USP16: variants seen among roughly 807,000 people sequenced by gnomAD.
USP16 encodes the protein ubiquitin specific peptidase 16, also known as ubiquitin carboxyl-terminal hydrolase 16.
Under a neutral mutation model 95.9 loss-of-function variants are expected in USP16, and 77 were observed. The ratio of observed to expected loss-of-function variants is 0.80; its 90% confidence interval spans 0.67 to 0.97. USP16 has a LOEUF of 0.97. Ranked by LOEUF, USP16 falls within the 50% of genes least tolerant of loss-of-function variation. USP16 has a pLI of 0.00. For synonymous variants in USP16, 303 were observed against 318.2 expected, an observed-to-expected ratio of 0.95 and a Z score of 0.51; for missense variants, 943 against 959.9, an observed-to-expected ratio of 0.98 and a Z score of 0.23.
chr21:29,046,645 A>G (rs761890770), intron 13 of USP16, 22 bp from the exon 14 acceptor site: 2 of 1,558,056 alleles, frequency 1.3e-6, no homozygotes, highest in African/African-American at 1.4e-5. Flanking sequence ...TTATTTTTTG[A>G]TGCCGTATAC....
rs143002714 is a variant in USP16, at chr21:29,035,733, G to A, written c.345-538G>A. 7.4e-3 allele frequency among the ~76,000 whole-genome samples: 1,130 copies of A among 151,772 alleles called. 11 individuals carry two copies. The highest frequency in any genetic ancestry group is 0.026 in the African/African-American group (1,060 of 41,398). On this transcript the variant is annotated intron_variant, in intron 4 of 17. Coordinates refer to ENST00000399976, the MANE Select transcript of USP16 (RefSeq NM_006447.3). ...GTTGTTACTTTTGTCTGGCTAACAC[G>A]TTGAAACCCCATCTCTACTAAAAAT...
chr21:29,039,003 G>A, intron 7 of USP16, 23 bp from the exon 8 acceptor site: 1 of 1,478,112 alleles, frequency 6.8e-7, no homozygotes, highest in Non-Finnish European at 9.0e-7. Context: ...ACTGAAGAAA[G>A]TAATTTCTTT....
chr21:29,033,033 G>T (rs117735878), intron 3 of USP16, among the ~76,000 whole-genome samples: 341 of 152,202 alleles, frequency 2.2e-3, no homozygotes, highest in Non-Finnish European at 2.5e-3. Flanking sequence ...TGTTAGAAAA[G>T]ATACTGTTTA....
At chr21:29,046,122 C>T (rs770387387) in intron 13 of USP16, among the ~76,000 whole-genome samples, 2 of 152,062 alleles carry the variant, frequency 1.3e-5, no homozygotes, top group African/African-American at 4.8e-5. Flanking sequence ...CCACACCTGG[C>T]CTAAATAACT....
chr21:29,036,409 G>T (rs1247711317), intron 5 of USP16, 35 bp downstream of exon 5: 1 of 1,574,660 alleles, frequency 6.4e-7, no homozygotes, highest in African/African-American at 1.4e-5. Context: ...TACACCAAAT[G>T]TCGATTTGTG....
chr21:29,052,043 TGGA>T (rs2085423224), intron 16 of USP16: 1 of 152,238 alleles, frequency 6.6e-6, no homozygotes, highest in East Asian at 1.9e-4. Flanking sequence ...GAATTGGATA[TGGA>T]GGAGATTATT....
chr21:29,054,260 C>CT lies in USP16; in HGVS notation c.*74dup. ...TGGCTGAAATAACGATAAAAAAAGA[C>CT]TAATTAAAATCATGTTCACTTAACA... On this transcript the variant is annotated 3_prime_UTR_variant, in exon 18 of 18. Transcript: ENST00000399976. 3 of 1,509,026 alleles carry CT rather than the reference C, an allele frequency of 2.0e-6. No homozygotes were observed. In the Admixed American group the frequency reaches 5.9e-5, roughly 30 times the overall value. The allele number at this position is 1,509,026 out of a possible 1,614,324, so 93.5% of individuals were successfully genotyped here.
chr21:29,030,672 A>G lies in USP16; in HGVS notation c.139A>G (p.Ile47Val). ...KKALVNVEWN[I>V]CQDCKTDNKV... ...GGCTTTAGTGAATGTGGAATGGAAT[A>G]TCTGCCAAGACTGTAAGACTGACAA... The change falls in exon 3 of 18, where the codon ATC becomes GTC. Residue 47 changes from isoleucine to valine, a missense_variant. Physicochemically the swap from Ile to Val is conservative, Grantham distance 29. Transcript: ENST00000399976. 6.2e-7 allele frequency: 1 copy of G among 1,614,080 alleles called. No individual in the cohort carries two copies. Among genetic ancestry groups the G allele is most frequent in the Non-Finnish European group, 8.5e-7 (1 of 1,179,988 alleles).
In USP16 at chr21:29,034,361, T is replaced by A. The variant is rs2146368023; in HGVS notation, c.241-476T>A. 2.7e-5 allele frequency among the ~76,000 whole-genome samples: 4 copies of A among 150,528 alleles called. No homozygotes were observed. In the Middle Eastern group the frequency reaches 0.01, roughly 392 times the overall value. On this transcript the variant is annotated intron_variant, in intron 3 of 17. Coordinates refer to ENST00000399976, the MANE Select transcript of USP16 (RefSeq NM_006447.3). ...TTTGCTCTTGTTGCCCAGGCTAGAG[T>A]GCAGGCCCAGACGTGATCTTGGCTC...
rs151222202 is a variant in USP16 at position 29,048,454 on chromosome 21, A to G, written c.2012-307A>G. On this transcript the variant is annotated intron_variant, in intron 14 of 17. Coordinates refer to ENST00000399976, the MANE Select transcript of USP16 (RefSeq NM_006447.3). Reference sequence around the variant, plus strand: ...TGGAATATACTAAACTTTCAACCTCATTAACCAAAATATTGTGTCTCTCCA... The same window carrying G: ...TGGAATATACTAAACTTTCAACCTCGTTAACCAAAATATTGTGTCTCTCCA... Among the ~76,000 whole-genome samples the G allele has an allele frequency of 2.3e-3, 343 of 152,276 alleles. 1 individual carries two copies. Among genetic ancestry groups the G allele is most frequent in the African/African-American group, 7.8e-3 (326 of 41,560 alleles).
chr21:29,036,098 T>A (rs1601050873), intron 4 of USP16, among the ~76,000 whole-genome samples, 173 bp from the exon 5 acceptor site: 1 of 152,248 alleles, frequency 6.6e-6, no homozygotes, highest in South Asian at 2.1e-4. Flanking sequence ...ATTTTATTAA[T>A]AATAAACCAG....
intron 13 of USP16, among the ~76,000 whole-genome samples, chr21:29,044,144 G>T (rs1310108561): frequency 6.6e-6 from 1 of 152,144 alleles, no homozygotes; most frequent in Non-Finnish European, 1.5e-5. Context: ...TTGTTGGCCA[G>T]GCTGGTCTCA....
chr21:29,047,545 C>G (rs1417163137), intron 14 of USP16, among the ~76,000 whole-genome samples: 1 of 152,180 alleles, frequency 6.6e-6, no homozygotes, highest in Non-Finnish European at 1.5e-5. Flanking sequence ...CCTGACATCT[C>G]TCCCTGTGGG....
rs775688108 is a variant in USP16 at position 29,040,640 on chromosome 21, G to C, written c.983G>C (p.Gly328Ala). Reference protein sequence around the residue: ...RVSKGILKAFGNSTEKLDEEL... With the variant: ...RVSKGILKAFANSTEKLDEEL... Reference sequence around the variant, plus strand: ...AGTAAAGGAATACTTAAAGCATTTGGTAATTCTACTGAAAAGTTGGATGAA... The same window carrying C: ...AGTAAAGGAATACTTAAAGCATTTGCTAATTCTACTGAAAAGTTGGATGAA... Residue 328 changes from glycine to alanine, a missense_variant, in exon 10 of 18, where the codon GGT becomes GCT. Coordinates refer to ENST00000399976, the MANE Select transcript of USP16 (RefSeq NM_006447.3). 7.8e-6 allele frequency: 12 copies of C among 1,542,916 alleles called. No homozygotes were observed. The East Asian group carries it at 1.9e-4, about 24-fold the overall frequency.
In USP16 at chr21:29,030,603, T is replaced by C. The variant is rs766867815; in HGVS notation, c.70T>C (p.Cys24Arg). The change falls in exon 3 of 18, where the codon TGC (cysteine) becomes CGC (arginine). Residue 24 changes from cysteine to arginine, a missense_variant. Cys to Arg is a radical substitution (Grantham distance 180). Coordinates refer to ENST00000399976, the MANE Select transcript of USP16 (RefSeq NM_006447.3). Reference sequence around the variant, plus strand: ...ATTATTTGTTTTAATAGAACCTGTGTGCAGACACATTAGAAAAGGATTGGA... The same window carrying C: ...ATTATTTGTTTTAATAGAACCTGTGCGCAGACACATTAGAAAAGGATTGGA... Reference protein sequence around the residue: ...DDSSETLEPVCRHIRKGLEQG... With the variant: ...DDSSETLEPVRRHIRKGLEQG... The C allele has an allele frequency of 6.2e-7, 1 of 1,603,576 alleles. No homozygotes were observed.
chr21:29,036,666 T>C (rs1490735237), intron 5 of USP16, among the ~76,000 whole-genome samples: 2 of 152,246 alleles, frequency 1.3e-5, no homozygotes, highest in Admixed American at 1.3e-4. Flanking sequence ...ACACTGTTCT[T>C]ACTGTCGTAC....
intron 13 of USP16, among the ~76,000 whole-genome samples, chr21:29,045,605 A>C (rs2085310803): frequency 2.6e-5 from 4 of 151,664 alleles, no homozygotes; most frequent in Admixed American, 2.0e-4. Flanking sequence ...CCAGTAACTC[A>C]TATGGATACA....
At position 29,046,746 on chromosome 21, in the gene USP16, G is replaced by C. The variant is rs2085329442; in HGVS notation, c.1436G>C (p.Ser479Thr). The change falls in exon 14 of 18, where the codon AGT becomes ACT. Residue 479 changes from serine (S) to threonine (T), a missense_variant. By Grantham distance (58) the Ser-to-Thr change is moderately conservative (BLOSUM62 1). Transcript: ENST00000399976. ...DICTIDHPED[S>T]EYEAEMSLQG... ...TGTACTATTGACCATCCTGAAGACA[G>C]TGAATATGAAGCTGAAATGTCACTT... 6.2e-7 allele frequency: 1 copy of C among 1,613,974 alleles called. No homozygotes were observed. Among genetic ancestry groups the C allele is most frequent in the Non-Finnish European group, 8.5e-7 (1 of 1,179,984 alleles).
chr21:29,048,676 G>A, intron 14 of USP16, 85 bp from the exon 15 acceptor site: 1 of 1,057,862 alleles, frequency 9.5e-7, no homozygotes, highest in Non-Finnish European at 1.4e-6. Flanking sequence ...TGCTTTAGAT[G>A]TTTGGAATGA....
Sources: allele counts gnomAD v4.1 joint callset (sites outside exome capture counted in the v4.1 genomes callset), GRCh38; gene constraint gnomAD v4.1.1; transcripts MANE v1.5; gene names NCBI Gene and HGNC (gene_info 2026-07-23, HGNC 2026-07-21).